Variants in ARNT observed in about 807,000 individuals in gnomAD.
ARNT encodes the protein aryl hydrocarbon receptor nuclear translocator.
ARNT carries 30 observed loss-of-function variants against 105.0 expected under a neutral mutation model. The observed-to-expected ratio is 0.29, with a 90% CI of 0.21 to 0.39. The LOEUF (loss-of-function observed/expected upper bound fraction) is 0.39. Among genes scored for constraint, ARNT ranks in the 10% least tolerant of loss-of-function variants. The pLI, the probability that ARNT is intolerant of heterozygous loss-of-function variation, is 1.00. For missense variants in ARNT, 748 were observed against 978.7 expected, an observed-to-expected ratio of 0.76 and a Z score of 3.15; for synonymous variants, 304 against 344.0, an observed-to-expected ratio of 0.88 and a Z score of 1.29.
intron 20 of ARNT, among the ~76,000 whole-genome samples, chr1:150,813,583 A>C (rs1655189182): frequency 6.6e-6 from 1 of 152,176 alleles, no homozygotes; most frequent in African/African-American, 2.4e-5. Context: ...TAAATGTATA[A>C]AAATTCACAT....
chr1:150,828,430 C>T (rs1658715774), intron 12 of ARNT, among the ~76,000 whole-genome samples: 2 of 145,372 alleles, frequency 1.4e-5, no homozygotes, highest in Admixed American at 1.4e-4. Context: ...ATTGTCTTGT[C>T]ACCTTTGCTG....
At chr1:150,837,570 T>C (rs1660550230) in intron 6 of ARNT, among the ~76,000 whole-genome samples, 1 of 152,194 alleles carries the variant, frequency 6.6e-6, no homozygotes, top group Admixed American at 6.6e-5. Context: ...ACTCCAATTT[T>C]TGCTTCCTCT....
At chr1:150,835,307 G>A (rs1660124310) in intron 7 of ARNT, among the ~76,000 whole-genome samples, 1 of 152,108 alleles carries the variant, frequency 6.6e-6, no homozygotes, top group African/African-American at 2.4e-5. Flanking sequence ...AAAACATAAA[G>A]GAGGGGAAAA....
At chr1:150,821,458 C>T (rs1657041885) in intron 14 of ARNT, among the ~76,000 whole-genome samples, 1 of 152,134 alleles carries the variant, frequency 6.6e-6, no homozygotes, top group Non-Finnish European at 1.5e-5. Flanking sequence ...TAGCATCACA[C>T]AGCATTTTAA....
At chr1:150,873,450 G>GA (rs1667790835) in intron 1 of ARNT, among the ~76,000 whole-genome samples, 1 of 151,612 alleles carries the variant, frequency 6.6e-6, no homozygotes, top group Admixed American at 6.6e-5. Flanking sequence ...ATCAATTCGA[G>GA]AAAAAAAATC....
intron 14 of ARNT, 71 bp downstream of exon 14, chr1:150,823,123 G>T (rs1270979342): frequency 8.1e-6 from 11 of 1,362,670 alleles, no homozygotes; most frequent in Non-Finnish European, 1.1e-5. Flanking sequence ...CCCCACATAG[G>T]GCATCAGAAG....
Position 150,814,101 on chromosome 1 carries a change from G to T in ARNT, c.2089C>A (p.Leu697Ile). 1 of 1,614,152 alleles carries T rather than the reference G, an allele frequency of 6.2e-7. No individual in the cohort carries two copies. The highest frequency in any genetic ancestry group is 8.5e-7 in the Non-Finnish European group (1 of 1,180,028). Residue 697 changes from leucine (L) to isoleucine (I), a missense_variant, in exon 20 of 22, where the codon CTC (leucine) becomes ATC (isoleucine). This residue lies in a region of ARNT where 360 missense variants were observed against 411.9 expected (regional missense o/e 0.87). Transcript: ENST00000358595. Reference protein sequence around the residue: ...ASPGAAAYPSLTNRGSNFAPE... With the variant: ...ASPGAAAYPSITNRGSNFAPE... ...CCAAAGTTAGATCCACGATTGGTGA[G>T]ACTAGGGTAGGCAGCAGCACCAGGC...
chr1:150,814,240 C>T lies in ARNT; in HGVS notation c.1951-1G>A. 1 of 1,613,776 alleles carries T rather than the reference C, an allele frequency of 6.2e-7. No individual in the cohort carries two copies. ...TAGCAGTAGCCTGGGTAGCCACCTGCTAAAGAGAGATGGAGAGGGGATATA... is the reference window on the plus strand; with the variant it reads ...TAGCAGTAGCCTGGGTAGCCACCTGTTAAAGAGAGATGGAGAGGGGATATA... On this transcript the variant is annotated splice_acceptor_variant, in intron 19 of 21. Transcript: ENST00000358595. LOFTEE classifies it high-confidence loss of function.
At chr1:150,823,377 CAT>C (rs773026334) in intron 13 of ARNT, 32 bp from the exon 14 acceptor site, 3 of 1,538,358 alleles carry the variant, frequency 2.0e-6, no homozygotes, top group African/African-American at 1.4e-5. Flanking sequence ...CAGTGGAACT[CAT>C]AGAAAATTTT....
chr1:150,816,435 T>G, intron 18 of ARNT, 29 bp from the exon 19 acceptor site: 1 of 1,593,626 alleles, frequency 6.3e-7, no homozygotes. Flanking sequence ...GGTAAAAGAT[T>G]AAAAGGATAG....
chr1:150,815,047 A>G (rs1655533847), intron 19 of ARNT, among the ~76,000 whole-genome samples: 1 of 152,200 alleles, frequency 6.6e-6, no homozygotes, highest in Non-Finnish European at 1.5e-5. Flanking sequence ...TCCATGGTTA[A>G]CATGTTTGGA....
chr1:150,870,433 T>C (rs75156458), intron 1 of ARNT, among the ~76,000 whole-genome samples: 1 of 152,272 alleles, frequency 6.6e-6, no homozygotes, highest in East Asian at 1.9e-4. Context: ...CTGTAAGCAC[T>C]GCAATGCTCT....
intron 4 of ARNT, 23 bp downstream of exon 4, chr1:150,846,240 T>C: frequency 6.3e-7 from 1 of 1,590,090 alleles, no homozygotes. Flanking sequence ...TATATTACAA[T>C]ATATTACCTA....
chr1:150,829,274 C>T (rs1489759266), intron 11 of ARNT, 47 bp from the exon 12 acceptor site: 1 of 1,575,952 alleles, frequency 6.3e-7, no homozygotes, highest in South Asian at 1.1e-5. Context: ...CCATTATTTA[C>T]AGATGTATTT....
intron 2 of ARNT, among the ~76,000 whole-genome samples, chr1:150,854,745 T>G (rs1312766024): frequency 1.3e-5 from 2 of 150,116 alleles, no homozygotes; most frequent in Non-Finnish European, 3.0e-5. Flanking sequence ...TAATCCCAGC[T>G]ACTCGGGAGG....
rs587656824 is a variant in ARNT, at chr1:150,857,913, G to A, written c.137+436C>T. On this transcript the variant is annotated intron_variant, in intron 2 of 21. Transcript: ENST00000358595. ...AATTAGGAATTTAATAAATACTTTT[G>A]GAGCTGAATGGACTCTGCATTCCAA... Among the ~76,000 whole-genome samples the A allele has an allele frequency of 2.0e-5, 3 of 152,198 alleles. No homozygotes were observed. The South Asian group carries it at 6.2e-4, about 32-fold the overall frequency.
At chr1:150,839,801 T>A (rs1048038714) in intron 5 of ARNT, 147 bp from the exon 6 acceptor site, 1 of 810,192 alleles carries the variant, frequency 1.2e-6, no homozygotes, top group Non-Finnish European at 1.9e-6. Flanking sequence ...AAAATAAGGT[T>A]TGCCAACCTT....
At chr1:150,845,246 C>T (rs1192116232) in intron 4 of ARNT, among the ~76,000 whole-genome samples, 1 of 152,148 alleles carries the variant, frequency 6.6e-6, no homozygotes, top group Non-Finnish European at 1.5e-5. Context: ...GATCATGCCA[C>T]TGTACTCCAG....
In ARNT at chr1:150,842,419, C is replaced by A; in HGVS notation, c.272+5G>T. 1 of 1,612,102 alleles carries A rather than the reference C, an allele frequency of 6.2e-7. No homozygotes were observed. The highest frequency in any genetic ancestry group is 1.1e-5 in the South Asian group (1 of 90,824). On this transcript the variant is annotated splice_donor_5th_base_variant and intron_variant, in intron 5 of 21. Transcript: ENST00000358595. ...TCATCATGCTAAAAGACACTGTTCT[C>A]CTACCTGGCAAGTCTCTCTTTATCC...
Sources: gnomAD v4.1 joint callset for allele counts (sites outside exome capture counted in the v4.1 genomes callset) on GRCh38, gnomAD v4.1.1 for gene constraint, gnomAD v4.1.1 regional missense constraint, MANE v1.5 for transcripts, NCBI Gene and HGNC (gene_info 2026-07-23, HGNC 2026-07-21) for gene names.